Variants in SNX30 observed in about 807,000 individuals in gnomAD.
SNX30 encodes sorting nexin family member 30, also known as sorting nexin-30.
Under a neutral mutation model 46.4 loss-of-function variants are expected in SNX30, and 24 were observed. That is an observed-to-expected ratio of 0.52 (90% CI 0.37 to 0.73). The LOEUF (loss-of-function observed/expected upper bound fraction) is 0.73. SNX30 is among the 30% of genes least tolerant of loss of function. The pLI is 0.00. For missense variants in SNX30, 533 were observed against 555.7 expected, an observed-to-expected ratio of 0.96 and a Z score of 0.41; for synonymous variants, 189 against 211.5, an observed-to-expected ratio of 0.89 and a Z score of 0.92.
chr9:112,851,677 T>A (rs982552375), intron 7 of SNX30, among the ~76,000 whole-genome samples: 1 of 152,216 alleles, frequency 6.6e-6, no homozygotes, highest in Non-Finnish European at 1.5e-5. Flanking sequence ...AGAACTAGCT[T>A]ACTGGACACT....
At position 112,751,048 on chromosome 9, in the gene SNX30, C is replaced by T; in HGVS notation, c.47C>T (p.Ser16Phe). 6.7e-7 allele frequency: 1 copy of T among 1,489,118 alleles called. No individual in the cohort carries two copies. Among genetic ancestry groups the T allele is most frequent in the Non-Finnish European group, 8.9e-7 (1 of 1,125,442 alleles). 92.2% of individuals were successfully genotyped at this position (1,489,118 alleles called of 1,614,324 possible). A position where few individuals can be genotyped will look rare whatever the true frequency, so the allele number is the denominator to read the frequency against. ...GCCCTGCCGTCCACGGGGCCCCACT[C>T]CCTGCGCGACATGCCGCACCCGCTG... Reference protein sequence around the residue: ...PKALPSTGPHSLRDMPHPLAG... With the variant: ...PKALPSTGPHFLRDMPHPLAG... The change falls in exon 1 of 9, where the codon TCC (serine) becomes TTC (phenylalanine). Residue 16 changes from serine to phenylalanine, a missense_variant. By Grantham distance (155) the Ser-to-Phe change is radical. Around this residue, in one of 3 missense-constraint regions of SNX30, gnomAD observed 191 missense variants for 160.3 expected, o/e 1.19. Coordinates refer to ENST00000374232, the MANE Select transcript of SNX30 (RefSeq NM_001012994.2).
intron 1 of SNX30, among the ~76,000 whole-genome samples, chr9:112,784,053 C>A (rs193275857): frequency 1.3e-5 from 2 of 152,154 alleles, no homozygotes; most frequent in African/African-American, 4.8e-5. Context: ...AGTTTCTAAT[C>A]CTCTGTAATT....
At chr9:112,819,266 C>CTTTTTTTTTTTTTTTTTTTTTTTTTT (rs35138610) in intron 3 of SNX30, among the ~76,000 whole-genome samples, 1 of 117,028 alleles carries the variant, frequency 8.5e-6, no homozygotes, top group Non-Finnish European at 1.7e-5. Flanking sequence ...TTCTTTCTTT[C>CTTTTTTTTTTTTTTTTTTTTTTTTTT]TTTTTTTTTT....
chr9:112,779,255 G>A (rs1378696790), intron 1 of SNX30, among the ~76,000 whole-genome samples: 1 of 152,240 alleles, frequency 6.6e-6, no homozygotes, highest in African/African-American at 2.4e-5. Flanking sequence ...GATAGACTGT[G>A]TGAGTGGGAA....
At chr9:112,766,565 CT>C (rs978293338) in intron 1 of SNX30, among the ~76,000 whole-genome samples, 35 of 152,274 alleles carry the variant, frequency 2.3e-4, no homozygotes, top group Admixed American at 7.2e-4. Context: ...ATCTCCAGAA[CT>C]TTTTCATCTT....
intron 8 of SNX30, among the ~76,000 whole-genome samples, chr9:112,866,230 C>T (rs914732845): frequency 2.0e-5 from 3 of 151,736 alleles, no homozygotes; most frequent in Admixed American, 6.6e-5. Context: ...AGGAAAAGAA[C>T]GGGAAACTGG....
intron 1 of SNX30, among the ~76,000 whole-genome samples, chr9:112,783,298 C>G (rs1839873901): frequency 6.6e-6 from 1 of 152,166 alleles, no homozygotes; most frequent in African/African-American, 2.4e-5. Context: ...GACTTCTTGT[C>G]TTTTAACTTT....
At chr9:112,820,048 G>A (rs1485417651) in intron 3 of SNX30, among the ~76,000 whole-genome samples, 2 of 152,176 alleles carry the variant, frequency 1.3e-5, no homozygotes, top group African/African-American at 4.8e-5. Flanking sequence ...TACTGGAAGC[G>A]CAAAGGTAAG....
chr9:112,763,179 T>TATA lies in SNX30; in HGVS notation c.156+12022_156+12023insATA, dbSNP rs113770431. Among the ~76,000 whole-genome samples the TATA allele has an allele frequency of 8.6e-5, 13 of 151,118 alleles. No homozygotes were observed. The South Asian group carries it at 1.5e-3, about 17-fold the overall frequency. ...TACAGTTTATATATGTATATATATA[T>TATA]TTTTTAGAGATGGGGCCTTGCTCTG... On this transcript the variant is annotated intron_variant, in intron 1 of 8. Coordinates refer to ENST00000374232, the MANE Select transcript of SNX30 (RefSeq NM_001012994.2).
chr9:112,865,668 T>C (rs1271429071), intron 8 of SNX30, among the ~76,000 whole-genome samples: 13 of 111,880 alleles, frequency 1.2e-4, no homozygotes, highest in Non-Finnish European at 2.5e-4. Flanking sequence ...TATATGTATG[T>C]ATGTATGCAC....
rs1840748751 is a variant in SNX30, at chr9:112,836,254, C to T, written c.659C>T (p.Thr220Ile). The change falls in exon 5 of 9, where the codon ACC (threonine) becomes ATC (isoleucine). Residue 220 changes from threonine to isoleucine, a missense_variant. Physicochemically the swap from Thr to Ile is moderately conservative, Grantham distance 89. Transcript: ENST00000374232. ...AYKKQGIALL[T>I]RMGESVKHVT... is the part of the protein sequence containing the mutation. The stretch of plus-strand genomic sequence containing the variant: ...AAGAAGCAAGGGATAGCATTGCTGA[C>T]CAGAATGGGCGAGTCAGTCAAGCAC... The T allele has an allele frequency of 1.2e-6, 2 of 1,610,184 alleles. No individual in the cohort carries two copies. The highest frequency in any genetic ancestry group is 1.7e-6 in the Non-Finnish European group (2 of 1,176,668).
chr9:112,840,635 G>A (rs950841269), intron 6 of SNX30, among the ~76,000 whole-genome samples: 6 of 151,222 alleles, frequency 4.0e-5, no homozygotes, highest in South Asian at 2.1e-4. Context: ...ACAGGCACCC[G>A]CCACCACACC....
intron 4 of SNX30, among the ~76,000 whole-genome samples, chr9:112,831,510 G>A (rs761546348): frequency 7.9e-5 from 12 of 152,176 alleles, no homozygotes; most frequent in Non-Finnish European, 1.0e-4. Flanking sequence ...TCTTAAGGGC[G>A]CTTTGAGTGA....
At chr9:112,837,810 C>T (rs1840783131) in intron 5 of SNX30, among the ~76,000 whole-genome samples, 1 of 151,560 alleles carries the variant, frequency 6.6e-6, no homozygotes, top group Non-Finnish European at 1.5e-5. Context: ...AAACATCTCC[C>T]TAAACCTATA....
intron 2 of SNX30, among the ~76,000 whole-genome samples, chr9:112,809,708 T>A (rs1306802860): frequency 6.6e-6 from 1 of 152,168 alleles, no homozygotes; most frequent in East Asian, 1.9e-4. Flanking sequence ...CAGTTATTGC[T>A]GGTTGTGGTG....
chr9:112,840,890 C>T (rs1225788406), intron 6 of SNX30, among the ~76,000 whole-genome samples: 1 of 152,072 alleles, frequency 6.6e-6, no homozygotes, highest in Non-Finnish European at 1.5e-5. Context: ...TGCCATTCTC[C>T]TGCCTCAGCC....
chr9:112,879,732 G>A, downstream of SNX30: 1 of 1,601,468 alleles, frequency 6.2e-7, no homozygotes, highest in Non-Finnish European at 8.6e-7. Flanking sequence ...GGCCATGGCT[G>A]ATGTTTTCAG....
intron 1 of SNX30, among the ~76,000 whole-genome samples, chr9:112,783,259 G>A (rs1192857287): frequency 2.6e-5 from 4 of 152,186 alleles, no homozygotes; most frequent in Non-Finnish European, 5.9e-5. Flanking sequence ...TCCAGGCTGG[G>A]TTGTGCCTCT....
At chr9:112,883,825 A>G (rs1002653651), downstream of SNX30, among the ~76,000 whole-genome samples, 5 of 151,480 alleles carry the variant, frequency 3.3e-5, no homozygotes, top group Middle Eastern at 3.2e-3. Flanking sequence ...AGCCTCCCGA[A>G]TAACTGGGAC....
Sources: gnomAD v4.1 joint callset for allele counts (sites outside exome capture counted in the v4.1 genomes callset) on GRCh38, gnomAD v4.1.1 for gene constraint, gnomAD v4.1.1 regional missense constraint, MANE v1.5 for transcripts, NCBI Gene and HGNC (gene_info 2026-07-23, HGNC 2026-07-21) for gene names.